Variants in FIGLA observed in about 807,000 individuals in gnomAD.
The protein encoded by FIGLA is factor in the germline alpha.
Under a neutral mutation model 21.5 loss-of-function variants are expected in FIGLA, and 17 were observed. The ratio of observed to expected loss-of-function variants is 0.79; its 90% CI spans 0.54 to 1.19. FIGLA has a LOEUF of 1.19. Ranked by LOEUF, FIGLA falls within the 50% of genes most tolerant of loss-of-function variation. The pLI is 0.00. For missense variants in FIGLA, 282 were observed against 285.0 expected, an observed-to-expected ratio of 0.99 and a Z score of 0.08; for synonymous variants, 129 against 117.6, an observed-to-expected ratio of 1.10 and a Z score of -0.63.
At chr2:70,788,360 G>C (rs1407998230) in intron 1 of FIGLA, among the ~76,000 whole-genome samples, 1 of 152,072 alleles carries the variant, frequency 6.6e-6, no homozygotes, top group African/African-American at 2.4e-5. Context: ...CTCAAGCACT[G>C]AGCCATCAGC....
At chr2:70,778,110 A>C (rs1427093762) in intron 3 of FIGLA, among the ~76,000 whole-genome samples, 1 of 152,186 alleles carries the variant, frequency 6.6e-6, no homozygotes, top group Non-Finnish European at 1.5e-5. Flanking sequence ...CTTAGCCTTA[A>C]ACATTTATCT....
At chr2:70,788,527 C>G (rs2104602978) in intron 1 of FIGLA, among the ~76,000 whole-genome samples, 1 of 152,272 alleles carries the variant, frequency 6.6e-6, no homozygotes, top group East Asian at 1.9e-4. Flanking sequence ...TGTTCATCCC[C>G]CTGGGAGATA....
chr2:70,790,068 C>G (rs1181011581), intron 1 of FIGLA, among the ~76,000 whole-genome samples: 1 of 152,196 alleles, frequency 6.6e-6, no homozygotes, highest in Non-Finnish European at 1.5e-5. Flanking sequence ...TGAAGGCGCA[C>G]CCCCTGGGCG....
intron 3 of FIGLA, among the ~76,000 whole-genome samples, chr2:70,782,183 T>C (rs1268261882): frequency 2.0e-5 from 3 of 152,164 alleles, no homozygotes; most frequent in Non-Finnish European, 2.9e-5. Flanking sequence ...AAGATTAAAG[T>C]GAAAGGCTTG....
intron 3 of FIGLA, among the ~76,000 whole-genome samples, chr2:70,782,785 A>G (rs1675879103): frequency 6.6e-6 from 1 of 152,134 alleles, no homozygotes; most frequent in African/African-American, 2.4e-5. Context: ...TTAAAAATTA[A>G]TGGCTGGGCA....
chr2:70,787,973 A>G (rs1190341427), intron 1 of FIGLA, among the ~76,000 whole-genome samples, 172 bp from the exon 2 acceptor site: 2 of 152,242 alleles, frequency 1.3e-5, no homozygotes, highest in Non-Finnish European at 2.9e-5. Flanking sequence ...TAGTAAAGGA[A>G]GAGGGAATGG....
chr2:70,785,751 G>A, intron 2 of FIGLA, 112 bp from the exon 3 acceptor site: 2 of 792,570 alleles, frequency 2.5e-6, no homozygotes, highest in South Asian at 3.3e-5. Context: ...AATGATAAGG[G>A]CAATGCTTAA....
At chr2:70,781,528 G>C (rs1675856184) in intron 3 of FIGLA, among the ~76,000 whole-genome samples, 1 of 152,132 alleles carries the variant, frequency 6.6e-6, no homozygotes, top group South Asian at 2.1e-4. Context: ...AAAAATGTCT[G>C]TATAAAAACA....
chr2:70,782,407 G>T (rs994411554), intron 3 of FIGLA, among the ~76,000 whole-genome samples: 1 of 152,196 alleles, frequency 6.6e-6, no homozygotes. Flanking sequence ...CTCCAAACGT[G>T]TCATGGTTAT....
At chr2:70,779,566 G>A (rs367986258) in intron 3 of FIGLA, among the ~76,000 whole-genome samples, 1 of 152,136 alleles carries the variant, frequency 6.6e-6, no homozygotes, top group African/African-American at 2.4e-5. Flanking sequence ...ACAGATTACC[G>A]CAACTTGGAA....
At chr2:70,782,409 C>G (rs1207750521) in intron 3 of FIGLA, among the ~76,000 whole-genome samples, 1 of 152,194 alleles carries the variant, frequency 6.6e-6, no homozygotes, top group African/African-American at 2.4e-5. Context: ...CCAAACGTGT[C>G]ATGGTTATAA....
At chr2:70,782,455 G>A (rs1675872542) in intron 3 of FIGLA, among the ~76,000 whole-genome samples, 1 of 152,242 alleles carries the variant, frequency 6.6e-6, no homozygotes, top group Non-Finnish European at 1.5e-5. Flanking sequence ...CTTCCAGACT[G>A]AAGGAGCCAT....
At chr2:70,780,016 T>G (rs1675826348) in intron 3 of FIGLA, among the ~76,000 whole-genome samples, 1 of 152,176 alleles carries the variant, frequency 6.6e-6, no homozygotes, top group African/African-American at 2.4e-5. Flanking sequence ...TGAAATTAAT[T>G]TTTCTCCCTA....
At position 70,790,399 on chromosome 2, in the gene FIGLA, A is replaced by G; in HGVS notation, c.231+9T>C. On this transcript the variant is annotated intron_variant, in intron 1 of 4. Coordinates refer to ENST00000332372, the MANE Select transcript of FIGLA (RefSeq NM_001004311.3). ...GGGGGAACGGACGTCGACCCTAGGG[A>G]TCCCTCACCCGCTCACGCTCCTTGG... 1 of 1,523,696 alleles carries G rather than the reference A, an allele frequency of 6.6e-7. No homozygotes were observed. The highest frequency in any genetic ancestry group is 1.4e-5 in the African/African-American group (1 of 71,274). 94.4% of individuals were successfully genotyped at this position (1,523,696 alleles called of 1,614,324 possible). A position where few individuals can be genotyped will look rare whatever the true frequency, so the allele number is the denominator to read the frequency against.
Position 70,777,402 on chromosome 2 carries a change from C to G in FIGLA, c.645-20G>C. The G allele has an allele frequency of 6.8e-7, 1 of 1,464,446 alleles. No homozygotes were observed. The highest frequency in any genetic ancestry group is 1.4e-5 in the African/African-American group (1 of 70,040). 90.7% of individuals were successfully genotyped at this position (1,464,446 alleles called of 1,614,324 possible). A position where few individuals can be genotyped will look rare whatever the true frequency, so the allele number is the denominator to read the frequency against. ...GGAAGTCTGAAACAGAGAAAACATT[C>G]CATTATAAATAGTTAAAAATAAGAA... is the stretch of plus-strand genomic sequence containing the variant. On this transcript the variant is annotated intron_variant, in intron 4 of 4. Transcript: ENST00000332372.
intron 3 of FIGLA, 56 bp downstream of exon 3, chr2:70,785,359 A>G (rs1675926829): frequency 7.4e-7 from 1 of 1,345,178 alleles, no homozygotes; most frequent in Admixed American, 2.0e-5. Context: ...CATATCTCAA[A>G]GTATACATTT....
At chr2:70,781,905 A>C (rs983756171) in intron 3 of FIGLA, among the ~76,000 whole-genome samples, 1 of 152,202 alleles carries the variant, frequency 6.6e-6, no homozygotes, top group Admixed American at 6.5e-5. Context: ...ACGTGTGATA[A>C]AACAACATAC....
At position 70,785,604 on chromosome 2, in the gene FIGLA, G is replaced by C; in HGVS notation, c.420C>G (p.Asn140Lys). ...CCGAGGATGTATGTGATTCAGAACT[G>C]TTGTTACTATAGCTCTGCTCATCTG... ...QDPDEQSYSN[N>K]SSESHTSSAR... The change falls in exon 3 of 5, where the codon AAC (asparagine) becomes AAG (lysine). Residue 140 changes from asparagine (N) to lysine (K), a missense_variant. By Grantham distance (94) the Asn-to-Lys change is moderately conservative (BLOSUM62 0). Transcript: ENST00000332372. The C allele has an allele frequency of 6.2e-7, 1 of 1,613,936 alleles. No homozygotes were observed.
intron 3 of FIGLA, among the ~76,000 whole-genome samples, chr2:70,779,979 A>G (rs1415909307): frequency 6.6e-6 from 1 of 152,152 alleles, no homozygotes; most frequent in African/African-American, 2.4e-5. Context: ...TTGAAGCTCT[A>G]ATTTTAAACA....
Sources: gnomAD v4.1 joint callset for allele counts (sites outside exome capture counted in the v4.1 genomes callset) on GRCh38, gnomAD v4.1.1 for gene constraint, MANE v1.5 for transcripts, NCBI Gene and HGNC (gene_info 2026-07-23, HGNC 2026-07-21) for gene names.